THEMIS: variants seen among roughly 807,000 people sequenced by gnomAD.
THEMIS encodes thymocyte selection associated.
Under a neutral mutation model 52.6 loss-of-function variants are expected in THEMIS, and 37 were observed. The ratio of observed to expected loss-of-function variants is 0.70; its 90% confidence interval spans 0.54 to 0.93. The LOEUF (loss-of-function observed/expected upper bound fraction) is 0.93. Among genes scored for constraint, THEMIS ranks in the 40% least tolerant of loss-of-function variants. THEMIS has a pLI of 0.00. For synonymous variants in THEMIS, 292 were observed against 272.7 expected (o/e 1.07, Z -0.70); for missense variants, 808 against 763.1 (o/e 1.06, Z -0.69).
intron 1 of THEMIS, among the ~76,000 whole-genome samples, chr6:127,865,337 AG>A (rs1779941609): frequency 6.6e-6 from 1 of 152,152 alleles, no homozygotes; most frequent in Non-Finnish European, 1.5e-5. Flanking sequence ...AGGGTTTATA[AG>A]GTATCTCTAA....
intron 3 of THEMIS, among the ~76,000 whole-genome samples, chr6:127,818,996 C>T (rs777309296): frequency 9.9e-5 from 15 of 150,980 alleles, no homozygotes; most frequent in Non-Finnish European, 2.2e-4. Flanking sequence ...GGCATGCACC[C>T]GTAGTCCCAG....
chr6:127,912,303 G>T (rs888892748), intron 1 of THEMIS, among the ~76,000 whole-genome samples: 2 of 152,088 alleles, frequency 1.3e-5, no homozygotes, highest in African/African-American at 4.8e-5. Flanking sequence ...TAACTAAATT[G>T]CCTTTGATTT....
the THEMIS span, among the ~76,000 whole-genome samples, chr6:127,701,593 T>C: frequency 6.6e-6 from 1 of 152,136 alleles, no homozygotes; most frequent in African/African-American, 2.4e-5. Context: ...TAGGTGTATG[T>C]TTAGCTTTAG....
At chr6:127,846,311 G>A (rs1779212664) in intron 2 of THEMIS, among the ~76,000 whole-genome samples, 1 of 151,890 alleles carries the variant, frequency 6.6e-6, no homozygotes, top group Non-Finnish European at 1.5e-5. Flanking sequence ...CAAAAATTAT[G>A]AGAAGGCAAA....
chr6:127,800,088 T>C (rs1156701813), intron 4 of THEMIS, among the ~76,000 whole-genome samples: 11 of 152,172 alleles, frequency 7.2e-5, no homozygotes, highest in African/African-American at 2.7e-4. Context: ...TGGAAAGTTA[T>C]CCATTGTTGA....
chr6:127,879,273 T>C (rs1780405500), intron 1 of THEMIS, among the ~76,000 whole-genome samples: 1 of 152,190 alleles, frequency 6.6e-6, no homozygotes, highest in South Asian at 2.1e-4. Flanking sequence ...AATGCCTTTG[T>C]AACTCTTATG....
intron 1 of THEMIS, among the ~76,000 whole-genome samples, chr6:127,874,507 T>C (rs1780255301): frequency 6.6e-6 from 1 of 152,292 alleles, no homozygotes; most frequent in African/African-American, 2.4e-5. Context: ...ATTTTCTTAG[T>C]TTTTATCTTA....
upstream of THEMIS, among the ~76,000 whole-genome samples, chr6:127,902,375 T>C (rs1364978072): frequency 6.7e-6 from 1 of 150,272 alleles, no homozygotes; most frequent in African/African-American, 2.4e-5. Flanking sequence ...TGTATACACT[T>C]GAAAGATGAC....
At chr6:127,744,218 C>T (rs954136550) in intron 4 of THEMIS, among the ~76,000 whole-genome samples, 1 of 152,024 alleles carries the variant, frequency 6.6e-6, no homozygotes, top group Non-Finnish European at 1.5e-5. Flanking sequence ...GTGGAAACAA[C>T]ATGTGTCTTT....
chr6:127,708,695 C>T lies in THEMIS; in HGVS notation c.*1290G>A, dbSNP rs906665339. 6.6e-6 allele frequency: 1 copy of T among 152,004 alleles called. No homozygotes were observed. Among genetic ancestry groups the T allele is most frequent in the South Asian group, 2.1e-4 (1 of 4,830 alleles). 9.4% of individuals were successfully genotyped at this position (152,004 alleles called of 1,614,324 possible). On this transcript the variant is annotated 3_prime_UTR_variant, in exon 6 of 6. Coordinates refer to ENST00000368248, the MANE Select transcript of THEMIS (RefSeq NM_001010923.3). ...AAATGATATTACCACAATCAAATCA[C>T]TAAGCAATTTTTAGGACACTAGAAA...
chr6:127,704,394 A>G (rs12201136), downstream of THEMIS, among the ~76,000 whole-genome samples: 47,551 of 152,044 alleles, frequency 0.31, 9,124 homozygotes, highest in Non-Finnish European at 0.44. Context: ...CTGTGGTACT[A>G]TGGGTATCTA....
At chr6:127,832,350 C>T (rs1778723605) in intron 2 of THEMIS, among the ~76,000 whole-genome samples, 1 of 152,138 alleles carries the variant, frequency 6.6e-6, no homozygotes, top group African/African-American at 2.4e-5. Context: ...GTTTAGCATA[C>T]TAAAGTGGCA....
chr6:127,795,408 A>C (rs1052421054), intron 4 of THEMIS, among the ~76,000 whole-genome samples: 5 of 152,106 alleles, frequency 3.3e-5, no homozygotes, highest in Non-Finnish European at 7.4e-5. Context: ...GGCTCACTGC[A>C]AGCTCTGCCT....
At chr6:127,722,280 T>G (rs1774388330) in intron 4 of THEMIS, among the ~76,000 whole-genome samples, 1 of 151,918 alleles carries the variant, frequency 6.6e-6, no homozygotes, top group African/African-American at 2.4e-5. Flanking sequence ...GGGAGGTAGG[T>G]GTCTCTTAAG....
chr6:127,892,526 T>A (rs1194696913), intron 1 of THEMIS, among the ~76,000 whole-genome samples: 1 of 152,182 alleles, frequency 6.6e-6, no homozygotes, highest in African/African-American at 2.4e-5. Context: ...TTCCCAACTG[T>A]AATTCTAGAC....
chr6:127,756,047 A>AAAAAC (rs1363161523), intron 4 of THEMIS, among the ~76,000 whole-genome samples: 4 of 151,998 alleles, frequency 2.6e-5, no homozygotes, highest in Non-Finnish European at 5.9e-5. Context: ...ACAAAAAACA[A>AAAAAC]AAAACAAAAC....
chr6:127,785,095 C>T (rs559164419), intron 4 of THEMIS, among the ~76,000 whole-genome samples: 1 of 151,758 alleles, frequency 6.6e-6, no homozygotes, highest in African/African-American at 2.4e-5. Flanking sequence ...ACCTACTTAC[C>T]TGTCATCTAT....
chr6:127,804,768 T>A (rs1777645777), intron 4 of THEMIS, among the ~76,000 whole-genome samples: 1 of 152,170 alleles, frequency 6.6e-6, no homozygotes. Context: ...CTTACATGAC[T>A]TTGTGTTTTA....
chr6:127,708,990 C>T lies in THEMIS; in HGVS notation c.*995G>A, dbSNP rs536525770. 1.3e-5 allele frequency: 2 copies of T among 151,838 alleles called. No individual in the cohort carries two copies. The highest frequency in any genetic ancestry group is 2.9e-5 in the Non-Finnish European group (2 of 67,912). 9.4% of individuals were successfully genotyped at this position (151,838 alleles called of 1,614,324 possible). A position where few individuals can be genotyped will look rare whatever the true frequency, so the allele number is the denominator to read the frequency against. ...TTCCTATGTAACATTAACCAGATAG[C>T]CTGTCTCTTCATTTTGTTAAAGGAA... On this transcript the variant is annotated 3_prime_UTR_variant, in exon 6 of 6. Coordinates refer to ENST00000368248, the MANE Select transcript of THEMIS (RefSeq NM_001010923.3).
Sources: gnomAD v4.1 joint callset for allele counts (sites outside exome capture counted in the v4.1 genomes callset) on GRCh38, gnomAD v4.1.1 for gene constraint, MANE v1.5 for transcripts, NCBI Gene and HGNC (gene_info 2026-07-23, HGNC 2026-07-21) for gene names.